The following LHFPL3 variants were observed in gnomAD, a reference collection of about 807,000 sequenced individuals.
LHFPL3 encodes LHFPL tetraspan subfamily member 3 protein.
In LHFPL3, 5 loss-of-function variants were observed where a neutral mutation model predicts 19.3. The observed-to-expected ratio is 0.26, with a 90% CI of 0.14 to 0.54. The LOEUF (loss-of-function observed/expected upper bound fraction) is 0.54, where lower values mean the gene tolerates loss of function less well. Ranked by LOEUF, LHFPL3 falls within the 20% of genes least tolerant of loss-of-function variation. The pLI, the probability that LHFPL3 is intolerant of heterozygous loss-of-function variation, is 0.94. For synonymous variants in LHFPL3, 133 were observed against 126.2 expected (o/e 1.05, Z -0.36); for missense variants, 249 against 307.4 (o/e 0.81, Z 1.42).
In LHFPL3 at chr7:104,338,470, A is replaced by G. The variant is rs560185419; in HGVS notation, c.445+9246A>G. Among the ~76,000 whole-genome samples, 10 of 152,300 alleles carry G rather than the reference A, an allele frequency of 6.6e-5. No homozygotes were observed. The East Asian group carries it at 1.9e-3, about 29-fold the overall frequency. Reference sequence around the variant, plus strand: ...GTGTGTGGACTAGGTTGCAATATAAAATGTATTACTGTAGGCTGTAGTCAC... The same window carrying G: ...GTGTGTGGACTAGGTTGCAATATAAGATGTATTACTGTAGGCTGTAGTCAC... On this transcript the variant is annotated intron_variant, in intron 1 of 2. Coordinates refer to ENST00000424859, the MANE Select transcript of LHFPL3 (RefSeq NM_199000.3).
chr7:104,549,343 T>C (rs1471032312), intron 1 of LHFPL3, among the ~76,000 whole-genome samples: 2 of 151,984 alleles, frequency 1.3e-5, no homozygotes, highest in East Asian at 1.9e-4. Context: ...ATGGTAAATA[T>C]TATTGATTAG....
At chr7:104,625,159 C>T (rs1791518920) in intron 1 of LHFPL3, among the ~76,000 whole-genome samples, 1 of 152,326 alleles carries the variant, frequency 6.6e-6, no homozygotes, top group South Asian at 2.1e-4. Flanking sequence ...TCCTTGCATT[C>T]AGTGCCCACC....
At chr7:104,865,903 A>G (rs1041164242) in intron 2 of LHFPL3, among the ~76,000 whole-genome samples, 1 of 152,246 alleles carries the variant, frequency 6.6e-6, no homozygotes, top group Non-Finnish European at 1.5e-5. Flanking sequence ...AAGCCAGAAG[A>G]GAGTGGGGGC....
chr7:104,457,962 G>GT (rs780032918), intron 1 of LHFPL3, among the ~76,000 whole-genome samples: 7,383 of 141,824 alleles, frequency 0.052, 238 homozygotes, highest in East Asian at 0.17. Flanking sequence ...TGATGGGGTT[G>GT]TTTGTTTTTT....
intron 1 of LHFPL3, among the ~76,000 whole-genome samples, chr7:104,652,110 G>A (rs928210541): frequency 6.6e-6 from 1 of 152,216 alleles, no homozygotes; most frequent in East Asian, 1.9e-4. Context: ...AAGTACAAAA[G>A]GAGGAGGAGG....
chr7:104,556,269 T>C (rs1789829371), intron 1 of LHFPL3, among the ~76,000 whole-genome samples: 1 of 152,226 alleles, frequency 6.6e-6, no homozygotes. Flanking sequence ...CCTTCCACAC[T>C]GCCCTAGCAG....
intron 2 of LHFPL3, among the ~76,000 whole-genome samples, chr7:104,748,496 C>T (rs866194377): frequency 2.3e-5 from 3 of 128,194 alleles, no homozygotes; most frequent in Non-Finnish European, 3.3e-5. Flanking sequence ...AGGGGAAAAC[C>T]GCCTTAGGGC....
intron 1 of LHFPL3, among the ~76,000 whole-genome samples, chr7:104,470,980 T>A (rs1013638550): frequency 1.3e-4 from 20 of 152,246 alleles, no homozygotes; most frequent in African/African-American, 4.6e-4. Flanking sequence ...TCCCATCCAT[T>A]GTCTTATTGA....
intron 2 of LHFPL3, among the ~76,000 whole-genome samples, chr7:104,745,310 A>G (rs1794019582): frequency 6.6e-6 from 1 of 152,212 alleles, no homozygotes; most frequent in African/African-American, 2.4e-5. Context: ...GCCACCATCC[A>G]ATGACTGTGA....
intron 1 of LHFPL3, among the ~76,000 whole-genome samples, chr7:104,389,110 A>G (rs756796790): frequency 6.6e-6 from 1 of 152,136 alleles, no homozygotes; most frequent in Non-Finnish European, 1.5e-5. Context: ...GTCCTTCCAT[A>G]TAGAAAACCC....
intron 1 of LHFPL3, among the ~76,000 whole-genome samples, chr7:104,379,197 A>G (rs544376499): frequency 6.6e-6 from 1 of 152,336 alleles, no homozygotes; most frequent in African/African-American, 2.4e-5. Flanking sequence ...CTTCTAGGGC[A>G]AGCTTGGAAG....
chr7:104,532,318 C>CTTTTTTTTTTTT (rs71155504), intron 1 of LHFPL3, among the ~76,000 whole-genome samples: 6 of 87,230 alleles, frequency 6.9e-5, no homozygotes, highest in East Asian at 4.1e-4. Context: ...TTCTTTCTGT[C>CTTTTTTTTTTTT]TTTTTTTTTT....
intron 2 of LHFPL3, among the ~76,000 whole-genome samples, chr7:104,857,003 T>G (rs987668138): frequency 6.6e-6 from 1 of 152,200 alleles, no homozygotes; most frequent in Non-Finnish European, 1.5e-5. Context: ...GAATCCCAAT[T>G]TCCTTGCATT....
intron 1 of LHFPL3, among the ~76,000 whole-genome samples, chr7:104,687,038 T>A (rs1391822754): frequency 6.6e-6 from 1 of 152,162 alleles, no homozygotes; most frequent in Non-Finnish European, 1.5e-5. Flanking sequence ...ACATGGGGAT[T>A]GCAATTTGGA....
At chr7:104,510,768 T>A (rs1793796109) in intron 1 of LHFPL3, among the ~76,000 whole-genome samples, 2 of 152,100 alleles carry the variant, frequency 1.3e-5, no homozygotes, top group Admixed American at 1.3e-4. Context: ...AGTGGGAGAA[T>A]GTATTTGCAA....
At chr7:104,761,288 GT>G (rs563739344) in intron 2 of LHFPL3, among the ~76,000 whole-genome samples, 193 of 152,100 alleles carry the variant, frequency 1.3e-3, no homozygotes, top group African/African-American at 4.4e-3. Flanking sequence ...GATTTGGTGG[GT>G]TTTTTTACAT....
At chr7:104,398,060 CTTT>C (rs11358035) in intron 1 of LHFPL3, among the ~76,000 whole-genome samples, 12 of 141,846 alleles carry the variant, frequency 8.5e-5, no homozygotes, top group Admixed American at 3.5e-4. Context: ...ATGCATTTAA[CTTT>C]TTTTTTTTTT....
chr7:104,905,999 G>C (rs1428503436), intron 2 of LHFPL3, among the ~76,000 whole-genome samples, 188 bp from the exon 3 acceptor site: 1 of 152,166 alleles, frequency 6.6e-6, no homozygotes, highest in East Asian at 1.9e-4. Context: ...ACTGTACTGT[G>C]GGTTGAATGG....
intron 1 of LHFPL3, among the ~76,000 whole-genome samples, chr7:104,593,525 G>T (rs1255555339): frequency 1.3e-5 from 2 of 152,148 alleles, no homozygotes; most frequent in Non-Finnish European, 2.9e-5. Context: ...GTTGATTTGG[G>T]GTGGAGAGTT....
Sources: gnomAD v4.1 joint callset for allele counts (sites outside exome capture counted in the v4.1 genomes callset) on GRCh38, gnomAD v4.1.1 for gene constraint, MANE v1.5 for transcripts, NCBI Gene and HGNC (gene_info 2026-07-23, HGNC 2026-07-21) for gene names.